The following NKAIN2 variants were observed in gnomAD, a reference collection of about 807,000 sequenced individuals.
The protein encoded by NKAIN2 is sodium/potassium transporting ATPase interacting 2.
A neutral mutation model predicts 32.6 loss-of-function variants in NKAIN2; 14 were observed. The ratio of observed to expected loss-of-function variants is 0.43; its 90% CI spans 0.28 to 0.67. NKAIN2 has a LOEUF of 0.67. Ranked by LOEUF, NKAIN2 falls within the 30% of genes least tolerant of loss-of-function variation. The probability of loss-of-function intolerance (pLI) is 0.17; values close to 1 mark genes in which losing one functional copy is unlikely to be tolerated. For missense variants in NKAIN2, 198 were observed against 258.3 expected (o/e 0.77, Z 1.60); for synonymous variants, 80 against 87.2 (o/e 0.92, Z 0.46).
intron 1 of NKAIN2, among the ~76,000 whole-genome samples, chr6:124,147,918 T>C (rs1313637987): frequency 6.6e-6 from 1 of 152,134 alleles, no homozygotes; most frequent in African/African-American, 2.4e-5. Flanking sequence ...TATAAAAACT[T>C]CCCCTCCCAT....
chr6:124,252,323 C>A (rs1229342059), intron 1 of NKAIN2, among the ~76,000 whole-genome samples: 1 of 151,940 alleles, frequency 6.6e-6, no homozygotes, highest in Non-Finnish European at 1.5e-5. Context: ...AAAATAATTT[C>A]TAAACTATGA....
chr6:123,994,200 A>AT (rs11440144), intron 1 of NKAIN2, among the ~76,000 whole-genome samples: 59,794 of 144,130 alleles, frequency 0.41, 12,912 homozygotes, highest in African/African-American at 0.58. Context: ...AGAAACTAGG[A>AT]TTTTTTTTTT....
chr6:124,279,886 T>C (rs2114911275), intron 1 of NKAIN2, among the ~76,000 whole-genome samples: 1 of 152,322 alleles, frequency 6.6e-6, no homozygotes, highest in Admixed American at 6.5e-5. Context: ...TTAGTCACTA[T>C]TGATGTTACA....
At chr6:124,570,633 C>T (rs1020100622) in intron 3 of NKAIN2, among the ~76,000 whole-genome samples, 10 of 152,208 alleles carry the variant, frequency 6.6e-5, no homozygotes, top group African/African-American at 1.2e-4. Context: ...CGAGAACCTT[C>T]GCCTAGATTT....
chr6:124,580,919 A>T (rs182147985), intron 3 of NKAIN2, among the ~76,000 whole-genome samples: 1 of 152,238 alleles, frequency 6.6e-6, no homozygotes, highest in African/African-American at 2.4e-5. Flanking sequence ...TTTAAAAACA[A>T]AAACTATAAA....
intron 1 of NKAIN2, among the ~76,000 whole-genome samples, chr6:123,989,491 G>C (rs1779322656): frequency 6.6e-6 from 1 of 152,038 alleles, no homozygotes; most frequent in Non-Finnish European, 1.5e-5. Flanking sequence ...CTCTTGCTGG[G>C]TCTTTTCTCC....
intron 4 of NKAIN2, among the ~76,000 whole-genome samples, chr6:124,699,785 A>T (rs1425806256): frequency 6.6e-6 from 1 of 152,142 alleles, no homozygotes; most frequent in Non-Finnish European, 1.5e-5. Context: ...TATTTTCTTT[A>T]TAAATTACCC....
intron 2 of NKAIN2, among the ~76,000 whole-genome samples, chr6:124,310,214 T>G (rs1796658154): frequency 6.6e-6 from 1 of 152,148 alleles, no homozygotes; most frequent in Non-Finnish European, 1.5e-5. Flanking sequence ...GAATAGAAGA[T>G]GATATATATA....
At chr6:124,203,217 G>T (rs1332041779) in intron 1 of NKAIN2, among the ~76,000 whole-genome samples, 11 of 151,814 alleles carry the variant, frequency 7.2e-5, no homozygotes, top group Admixed American at 7.2e-4. Flanking sequence ...CATGGTGCTA[G>T]AACATTATTT....
At chr6:124,203,528 G>C (rs1400799240) in intron 1 of NKAIN2, among the ~76,000 whole-genome samples, 1 of 151,596 alleles carries the variant, frequency 6.6e-6, no homozygotes, top group Non-Finnish European at 1.5e-5. Context: ...GAATTTTAAG[G>C]CAAATTCTGG....
intron 2 of NKAIN2, among the ~76,000 whole-genome samples, chr6:124,332,362 C>T (rs908515980): frequency 4.3e-4 from 65 of 151,824 alleles, no homozygotes; most frequent in African/African-American, 1.5e-3. Context: ...CTTCTTTCAT[C>T]TTTTGGAATG....
At chr6:124,473,091 G>A (rs193125897) in intron 3 of NKAIN2, among the ~76,000 whole-genome samples, 1 of 152,292 alleles carries the variant, frequency 6.6e-6, no homozygotes, top group Non-Finnish European at 1.5e-5. Context: ...CAAATTTAAT[G>A]TAATGCTTTT....
chr6:124,403,172 A>G (rs1341804455), intron 3 of NKAIN2, among the ~76,000 whole-genome samples: 1 of 151,920 alleles, frequency 6.6e-6, no homozygotes, highest in African/African-American at 2.4e-5. Flanking sequence ...TTTCTTTTCA[A>G]TTTTCTATTT....
intron 2 of NKAIN2, among the ~76,000 whole-genome samples, chr6:124,323,760 CT>C (rs141654538): frequency 0.01 from 1,475 of 145,050 alleles, 22 homozygotes; most frequent in African/African-American, 0.037. Context: ...ATTGATTTAG[CT>C]GTTTCAATTC....
chr6:123,906,066 A>G (rs897701407), intron 1 of NKAIN2, among the ~76,000 whole-genome samples: 1 of 152,176 alleles, frequency 6.6e-6, no homozygotes, highest in Middle Eastern at 3.2e-3. Flanking sequence ...GATGAAAAAT[A>G]CTGGAATTAA....
chr6:123,838,330 G>A (rs994512743), intron 1 of NKAIN2, among the ~76,000 whole-genome samples: 17 of 151,974 alleles, frequency 1.1e-4, no homozygotes, highest in South Asian at 2.1e-4. Context: ...AATTCTCTCC[G>A]TTATGAATCT....
chr6:124,628,517 A>T (rs1419669094), intron 3 of NKAIN2, among the ~76,000 whole-genome samples: 1 of 152,044 alleles, frequency 6.6e-6, no homozygotes, highest in African/African-American at 2.4e-5. Context: ...TCACTTGGGG[A>T]TAGATGTTTT....
At chr6:124,002,093 T>A (rs963049715) in intron 1 of NKAIN2, among the ~76,000 whole-genome samples, 1 of 152,002 alleles carries the variant, frequency 6.6e-6, no homozygotes, top group African/African-American at 2.4e-5. Flanking sequence ...ATCTTCATAT[T>A]TGGCTTTCAA....
intron 1 of NKAIN2, among the ~76,000 whole-genome samples, chr6:124,121,672 AAAGAT>A (rs1785888002): frequency 6.6e-6 from 1 of 152,134 alleles, no homozygotes; most frequent in Non-Finnish European, 1.5e-5. Context: ...AATGAAAGAA[AAAGAT>A]AAGTTTTTCT....
Sources: allele counts gnomAD v4.1 joint callset (sites outside exome capture counted in the v4.1 genomes callset), GRCh38; gene constraint gnomAD v4.1.1; transcripts MANE v1.5; gene names NCBI Gene and HGNC (gene_info 2026-07-23, HGNC 2026-07-21).